Variants in ESR1 observed in about 807,000 individuals in gnomAD.
ESR1 encodes estrogen receptor.
In ESR1, 12 loss-of-function variants were observed where a neutral mutation model predicts 52.7. The observed-to-expected ratio is 0.23, with a 90% CI of 0.15 to 0.37. ESR1 has a LOEUF of 0.37. ESR1 is among the 10% of genes least tolerant of loss of function. The pLI, the probability that ESR1 is intolerant of heterozygous loss-of-function variation, is 1.00. For missense variants in ESR1, 584 were observed against 779.7 expected (o/e 0.75, Z 2.99); for synonymous variants, 305 against 316.8 (o/e 0.96, Z 0.39).
chr6:151,837,319 T>C (rs1783519262), intron 1 of ESR1, among the ~76,000 whole-genome samples: 1 of 152,016 alleles, frequency 6.6e-6, no homozygotes, highest in South Asian at 2.1e-4. Flanking sequence ...AGGCTGGTCT[T>C]GAACTCCTGA....
chr6:151,735,736 A>T (rs1193341608), intron 2 of ESR1, among the ~76,000 whole-genome samples: 1 of 152,030 alleles, frequency 6.6e-6, no homozygotes, highest in Non-Finnish European at 1.5e-5. Flanking sequence ...TTATGTTAAG[A>T]TATGAATAAT....
At chr6:151,927,344 A>G (rs1329751073) in intron 3 of ESR1, among the ~76,000 whole-genome samples, 3 of 152,182 alleles carry the variant, frequency 2.0e-5, no homozygotes, top group Non-Finnish European at 4.4e-5. Context: ...TATTAGGATA[A>G]TTCTAGACTC....
chr6:152,054,357 A>C (rs2046935957), intron 5 of ESR1, among the ~76,000 whole-genome samples: 1 of 152,110 alleles, frequency 6.6e-6, no homozygotes, highest in South Asian at 2.1e-4. Context: ...CCTAACACCG[A>C]GGATCATTTG....
At chr6:152,121,279 A>T (rs913265935) in intron 6 of ESR1, among the ~76,000 whole-genome samples, 1 of 152,220 alleles carries the variant, frequency 6.6e-6, no homozygotes, top group Admixed American at 6.5e-5. Flanking sequence ...ACAATGAACA[A>T]TAGAAGGCTT....
chr6:151,889,647 A>G lies in ESR1; in HGVS notation c.760+8876A>G, dbSNP rs9340864. 3.4e-4 allele frequency among the ~76,000 whole-genome samples: 52 copies of G among 152,060 alleles called. No homozygotes were observed. In the East Asian group the frequency reaches 7.5e-3, roughly 22 times the overall value. On this transcript the variant is annotated intron_variant, in intron 3 of 7. Transcript: ENST00000206249. ...CTTTTGTTTTGTGTTTTTAGTCTCA[A>G]TTTTATTTATTTTTCCTCCGATCTT...
chr6:152,096,731 G>A (rs1429701362), intron 7 of ESR1: 7 of 455,612 alleles, frequency 1.5e-5, no homozygotes, highest in Admixed American at 1.2e-4. Context: ...TGCATTCAGA[G>A]TATACATTTC....
chr6:151,931,079 G>A (rs1386592120), intron 3 of ESR1, among the ~76,000 whole-genome samples: 1 of 151,952 alleles, frequency 6.6e-6, no homozygotes, highest in Non-Finnish European at 1.5e-5. Flanking sequence ...CTGGATCTGT[G>A]GTTTGGTGTC....
intron 3 of ESR1, among the ~76,000 whole-genome samples, chr6:151,881,199 C>T (rs1254867866): frequency 6.6e-6 from 1 of 152,142 alleles, no homozygotes; most frequent in Admixed American, 6.5e-5. Context: ...TAATTTATAG[C>T]CTTCCAGTCT....
chr6:152,075,566 A>G (rs1268801353), intron 6 of ESR1, among the ~76,000 whole-genome samples: 7 of 152,208 alleles, frequency 4.6e-5, no homozygotes, highest in Admixed American at 4.6e-4. Context: ...GGAACTTTCA[A>G]CACTAGTTAT....
intron 4 of ESR1, among the ~76,000 whole-genome samples, chr6:152,009,118 C>A (rs1013014186): frequency 6.6e-6 from 1 of 152,064 alleles, no homozygotes; most frequent in African/African-American, 2.4e-5. Flanking sequence ...TTCCCCCACC[C>A]CCTGGGGATC....
At chr6:151,789,043 A>G (rs979082353) in intron 2 of ESR1, among the ~76,000 whole-genome samples, 7 of 152,282 alleles carry the variant, frequency 4.6e-5, no homozygotes, top group Admixed American at 1.3e-4. Context: ...TCTGTACAAC[A>G]AACCCCCATG....
chr6:152,026,743 G>A (rs767524627), intron 5 of ESR1, among the ~76,000 whole-genome samples: 2 of 151,962 alleles, frequency 1.3e-5, no homozygotes, highest in African/African-American at 4.8e-5. Context: ...CCTTTATAAA[G>A]CATTCATTTT....
At position 152,053,999 on chromosome 6, in the gene ESR1, G is replaced by A. The variant is rs2046901130; in HGVS notation, c.1236-6992G>A. Among the ~76,000 whole-genome samples the A allele has an allele frequency of 6.6e-6, 1 of 151,958 alleles. No homozygotes were observed. Among genetic ancestry groups the A allele is most frequent in the Non-Finnish European group, 1.5e-5 (1 of 68,006 alleles). ...GAGCAGTTAAATACATATGAACACA[G>A]TGAAATACCAGGCACTCATTTAAAA... On this transcript the variant is annotated intron_variant, in intron 5 of 7. Coordinates refer to ENST00000206249, the MANE Select transcript of ESR1 (RefSeq NM_000125.4). This position sits in a 1 kb window ranked among gnomAD's most constrained non-coding sequence, Gnocchi z 4.1.
intron 3 of ESR1, among the ~76,000 whole-genome samples, chr6:151,925,776 G>T (rs1287798363): frequency 2.7e-5 from 4 of 150,698 alleles, no homozygotes; most frequent in Non-Finnish European, 5.9e-5. Context: ...TCTCTTAATT[G>T]TTTTTTTCAA....
rs535214053 is a variant in ESR1 at position 151,827,682 on chromosome 6, A to G, written c.453-14915A>G. ...TAATACCATTATATTTTAAAAGTTA[A>G]AACACTATGTCTTTAAATATCAAGA... On this transcript the variant is annotated intron_variant, in intron 1 of 7. Coordinates refer to ENST00000206249, the MANE Select transcript of ESR1 (RefSeq NM_000125.4). Among the ~76,000 whole-genome samples the G allele has an allele frequency of 3.9e-5, 6 of 152,350 alleles. No homozygotes were observed. In the South Asian group the frequency reaches 1.2e-3, roughly 32 times the overall value.
At chr6:151,671,784 G>C (rs1466801523) in intron 1 of ESR1, among the ~76,000 whole-genome samples, 1 of 152,020 alleles carries the variant, frequency 6.6e-6, no homozygotes, top group African/African-American at 2.4e-5. Context: ...CTGAGGTCAG[G>C]AGTTCAAGAT....
chr6:151,886,735 A>G (rs753126278), intron 3 of ESR1, among the ~76,000 whole-genome samples: 28 of 152,162 alleles, frequency 1.8e-4, no homozygotes, highest in Non-Finnish European at 2.1e-4. Context: ...TACATTGGCT[A>G]TCCTTTATCA....
intron 5 of ESR1, among the ~76,000 whole-genome samples, chr6:152,018,629 G>A (rs1489191285): frequency 1.3e-5 from 2 of 152,014 alleles, no homozygotes; most frequent in Non-Finnish European, 1.5e-5. Flanking sequence ...TGGGAGGAGC[G>A]GTGAGTGATC....
intron 3 of ESR1, among the ~76,000 whole-genome samples, chr6:151,881,787 G>A (rs1792958709): frequency 6.6e-6 from 1 of 151,988 alleles, no homozygotes; most frequent in South Asian, 2.1e-4. Flanking sequence ...GGAGGTGGAG[G>A]CAGGAGAATC....
Sources: allele counts gnomAD v4.1 joint callset (sites outside exome capture counted in the v4.1 genomes callset), GRCh38; gene constraint gnomAD v4.1.1; non-coding constraint Gnocchi (gnomAD v3.1); transcripts MANE v1.5; gene names NCBI Gene and HGNC (gene_info 2026-07-23, HGNC 2026-07-21).